Variants in SLC8B1 observed in about 807,000 individuals in gnomAD.
SLC8B1 encodes solute carrier family 8 member B1, also known as mitochondrial sodium/calcium exchanger protein.
A neutral mutation model predicts 63.4 loss-of-function variants in SLC8B1; 52 were observed. The observed-to-expected ratio is 0.82, with a 90% CI of 0.66 to 1.03. The LOEUF (loss-of-function observed/expected upper bound fraction) is 1.03. Among genes scored for constraint, SLC8B1 ranks in the 50% least tolerant of loss-of-function variants. SLC8B1 has a pLI of 0.00. For missense variants in SLC8B1, 657 were observed against 741.7 expected (o/e 0.89, Z 1.33); for synonymous variants, 336 against 323.9 (o/e 1.04, Z -0.40).
intron 2 of SLC8B1, among the ~76,000 whole-genome samples, chr12:113,327,324 T>C (rs1957007651): frequency 1.3e-5 from 2 of 148,764 alleles, no homozygotes; most frequent in Middle Eastern, 3.4e-3. Flanking sequence ...TTTGCGTCCT[T>C]CTAGGTGAGT....
At chr12:113,332,578 T>G in intron 2 of SLC8B1, 145 bp downstream of exon 2, 34 of 990,660 alleles carry the variant, frequency 3.4e-5, no homozygotes, top group South Asian at 5.3e-5. Flanking sequence ...GTCAGCTTCT[T>G]GAGAGTAGTG....
At position 113,334,485 on chromosome 12, in the gene SLC8B1, C is replaced by T. The variant is rs1007178505; in HGVS notation, c.-125G>A. 2 of 152,096 alleles carry T rather than the reference C, an allele frequency of 1.3e-5. No homozygotes were observed. Among genetic ancestry groups the T allele is most frequent in the African/African-American group, 4.8e-5 (2 of 41,406 alleles). The allele number at this position is 152,096 out of a possible 1,614,324, so 9.4% of individuals were successfully genotyped here. Reference sequence around the variant, plus strand: ...GGCCCTTCCTCTTCTATGGTTCTCCCGAACCCCTCCAACTGGAGTCCGAGT... The same window carrying T: ...GGCCCTTCCTCTTCTATGGTTCTCCTGAACCCCTCCAACTGGAGTCCGAGT... On this transcript the variant is annotated 5_prime_UTR_variant, in exon 1 of 16. Transcript: ENST00000680972.
At chr12:113,304,071 G>A (rs967839525) in intron 15 of SLC8B1, among the ~76,000 whole-genome samples, 2 of 152,028 alleles carry the variant, frequency 1.3e-5, no homozygotes, top group Non-Finnish European at 2.9e-5. Context: ...AGTAGAGATG[G>A]GGTTTCACCA....
intron 2 of SLC8B1, among the ~76,000 whole-genome samples, chr12:113,328,841 T>G (rs1273061094): frequency 6.6e-6 from 1 of 151,190 alleles, no homozygotes; most frequent in African/African-American, 2.4e-5. Flanking sequence ...AACCTCCATC[T>G]CATGGGTTCA....
chr12:113,307,151 A>G (rs148841206), intron 13 of SLC8B1, among the ~76,000 whole-genome samples: 1 of 129,056 alleles, frequency 7.7e-6, no homozygotes, highest in African/African-American at 3.1e-5. Context: ...AAAAAAAAAA[A>G]CTACGGCTAC....
At position 113,299,748 on chromosome 12, in the gene SLC8B1, A is replaced by G; in HGVS notation, c.*29T>C. ...CAGGAGGGGCGGGGCTCCTGCCTGC[A>G]GTGAGGCCACAGCACTAAGCGGCTT... is the stretch of plus-strand genomic sequence containing the variant. On this transcript the variant is annotated 3_prime_UTR_variant, in exon 16 of 16. Coordinates refer to ENST00000680972, the MANE Select transcript of SLC8B1 (RefSeq NM_001358345.2). The G allele has an allele frequency of 1.9e-6, 3 of 1,605,976 alleles. No individual in the cohort carries two copies. Among genetic ancestry groups the G allele is most frequent in the Non-Finnish European group, 2.6e-6 (3 of 1,173,592 alleles).
intron 14 of SLC8B1, among the ~76,000 whole-genome samples, chr12:113,306,066 CAAAA>C (rs60824560): frequency 1.1e-4 from 2 of 18,100 alleles, no homozygotes; most frequent in African/African-American, 1.5e-4. Flanking sequence ...CCCCACCCTG[CAAAA>C]AAAAAAAAAA....
chr12:113,319,063 C>T lies in SLC8B1; in HGVS notation c.703G>A (p.Gly235Ser). 1 of 1,613,798 alleles carries T rather than the reference C, an allele frequency of 6.2e-7. No individual in the cohort carries two copies. Among genetic ancestry groups the T allele is most frequent in the Non-Finnish European group, 8.5e-7 (1 of 1,179,786 alleles). Residue 235 changes from glycine to serine, a missense_variant, in exon 8 of 16, where the codon GGC (glycine) becomes AGC (serine). Transcript: ENST00000680972. ...VTLAWALGYLGLYVFYVVTVI... is the reference protein window; with the variant it reads ...VTLAWALGYLSLYVFYVVTVI... Reference sequence around the variant, plus strand: ...GTGACCACATAGAACACATACAAGCCCAGGTAACCTGCAGACGGGGTGCAC... The same window carrying T: ...GTGACCACATAGAACACATACAAGCTCAGGTAACCTGCAGACGGGGTGCAC...
At chr12:113,311,136 G>A (rs1465214006) in intron 11 of SLC8B1, among the ~76,000 whole-genome samples, 1 of 152,132 alleles carries the variant, frequency 6.6e-6, no homozygotes, top group Non-Finnish European at 1.5e-5. Context: ...GCAACATGGT[G>A]CAACCCCATC....
chr12:113,320,566 T>C lies in SLC8B1; in HGVS notation c.526+15A>G. On this transcript the variant is annotated intron_variant, in intron 6 of 15. Transcript: ENST00000680972. The surrounding 1 kb of genome is among the most constrained non-coding windows in gnomAD (Gnocchi z 5.3). The stretch of plus-strand genomic sequence containing the variant: ...CTGCTGCTTTCCCCGCCCCCCTCAC[T>C]GGGGCTGCTCTCACCAAACAGTGCC... 1 of 1,613,888 alleles carries C rather than the reference T, an allele frequency of 6.2e-7. No homozygotes were observed. The highest frequency in any genetic ancestry group is 8.5e-7 in the Non-Finnish European group (1 of 1,179,910).
In SLC8B1 at chr12:113,299,338, G is replaced by A. The variant is rs1201168607; in HGVS notation, c.*439C>T. 2 of 199,774 alleles carry A rather than the reference G, an allele frequency of 1.0e-5. No individual in the cohort carries two copies. The highest frequency in any genetic ancestry group is 2.2e-4 in the East Asian group (2 of 8,974). 12.4% of individuals were successfully genotyped at this position (199,774 alleles called of 1,614,324 possible). A position where few individuals can be genotyped will look rare whatever the true frequency, so the allele number is the denominator to read the frequency against. On this transcript the variant is annotated 3_prime_UTR_variant, in exon 16 of 16. Transcript: ENST00000680972. ...CAAGCCACCCTCATTCTCTGAGTCA[G>A]GGTTGGGCAGCCACTTGTGTCCTGA...
chr12:113,300,164 C>A (rs1295697835), intron 15 of SLC8B1, among the ~76,000 whole-genome samples, 190 bp from the exon 16 acceptor site: 1 of 152,146 alleles, frequency 6.6e-6, no homozygotes, highest in African/African-American at 2.4e-5. Context: ...GCACCCTCAA[C>A]AACAATGCAC....
At position 113,315,299 on chromosome 12, in the gene SLC8B1, AGGAAGGTGGGTTGGCCCGG is replaced by A; in HGVS notation, c.1135+17_1135+35del. ...AAAACTCCAGAACGTGGGAAGGAGTAGGAAGGTGGGTTGGCCCGGGGTAGGGGATACTCACAGGTCCCCG... is the reference window on the plus strand; with the variant it reads ...AAAACTCCAGAACGTGGGAAGGAGTAGGTAGGGGATACTCACAGGTCCCCG... On this transcript the variant is annotated intron_variant, in intron 11 of 15. Coordinates refer to ENST00000680972, the MANE Select transcript of SLC8B1 (RefSeq NM_001358345.2). The A allele has an allele frequency of 9.4e-6, 14 of 1,485,312 alleles. No individual in the cohort carries two copies. The highest frequency in any genetic ancestry group is 1.3e-5 in the Non-Finnish European group (14 of 1,110,168). The allele number at this position is 1,485,312 out of a possible 1,614,324, so 92.0% of individuals were successfully genotyped here.
In SLC8B1 at chr12:113,316,972, C is replaced by T. The variant is rs200612695; in HGVS notation, c.832G>A (p.Val278Ile). 5 of 1,613,584 alleles carry T rather than the reference C, an allele frequency of 3.1e-6. No homozygotes were observed. The highest frequency in any genetic ancestry group is 1.7e-5 in the Admixed American group (1 of 59,944). Residue 278 changes from valine (V) to isoleucine (I), a missense_variant, in exon 9 of 16, where the codon GTA (valine) becomes ATA (isoleucine). Transcript: ENST00000680972. ...TCATAGCTGTTGGTATTAGAAGATA[C>T]CCGGTCCTCCTCGGAGTCTGAGAGG... ...EILSDSEEDR[V>I]SSNTNSYDYG...
intron 15 of SLC8B1, among the ~76,000 whole-genome samples, chr12:113,303,408 G>A (rs1956626115): frequency 6.6e-6 from 1 of 152,100 alleles, no homozygotes; most frequent in Non-Finnish European, 1.5e-5. Flanking sequence ...AACAACTCGT[G>A]CCTCTGGGAG....
At chr12:113,316,835 G>C in intron 9 of SLC8B1, 107 bp downstream of exon 9, 2 of 1,491,898 alleles carry the variant, frequency 1.3e-6, no homozygotes. Flanking sequence ...AGGTGGGGCC[G>C]ATTTGGAGCC....
In SLC8B1 at chr12:113,305,950, T is replaced by G. The variant is rs1045486085; in HGVS notation, c.1492+545A>C. On this transcript the variant is annotated intron_variant, in intron 14 of 15. Coordinates refer to ENST00000680972, the MANE Select transcript of SLC8B1 (RefSeq NM_001358345.2). This position sits in a 1 kb window ranked among gnomAD's most constrained non-coding sequence, Gnocchi z 4.3. ...CGTGGGCGCCTGTAGTCCCAGCTAC[T>G]CAGAAGACTGAGGCAGGAGAATTGC... Among the ~76,000 whole-genome samples the G allele has an allele frequency of 2.7e-5, 4 of 149,670 alleles. No homozygotes were observed. The highest frequency in any genetic ancestry group is 9.9e-5 in the African/African-American group (4 of 40,460).
rs749445921 is a variant in SLC8B1 at position 113,332,709 on chromosome 12, A to G, written c.156+14T>C. ...CAGCCCCACTCAACCCCAGGTTCCT[A>G]CCGGGATACTCACGTCTACCACGGG... On this transcript the variant is annotated intron_variant, in intron 2 of 15. Transcript: ENST00000680972. 1.2e-6 allele frequency: 2 copies of G among 1,610,680 alleles called. No homozygotes were observed. The highest frequency in any genetic ancestry group is 2.2e-5 in the South Asian group (2 of 90,724).
intron 11 of SLC8B1, among the ~76,000 whole-genome samples, chr12:113,315,061 G>A (rs1043059403): frequency 3.3e-5 from 5 of 152,128 alleles, no homozygotes; most frequent in African/African-American, 7.2e-5. Context: ...CAAGATGGGC[G>A]GATCACTTGA....
Sources: allele counts gnomAD v4.1 joint callset (sites outside exome capture counted in the v4.1 genomes callset), GRCh38; gene constraint gnomAD v4.1.1; non-coding constraint Gnocchi (gnomAD v3.1); transcripts MANE v1.5; gene names NCBI Gene and HGNC (gene_info 2026-07-23, HGNC 2026-07-21).